The following SLC35D1 variants were observed in gnomAD, a reference collection of about 807,000 sequenced individuals.
SLC35D1 encodes solute carrier family 35 member D1, also known as nucleotide sugar transporter SLC35D1.
Under a neutral mutation model 46.7 loss-of-function variants are expected in SLC35D1, and 31 were observed. That is an observed-to-expected ratio of 0.66 (90% CI 0.50 to 0.90). SLC35D1 has a LOEUF of 0.90. SLC35D1 is among the 40% of genes least tolerant of loss of function. SLC35D1 has a pLI of 0.00. For synonymous variants in SLC35D1, 195 were observed against 164.6 expected, an observed-to-expected ratio of 1.18 and a Z score of -1.41; for missense variants, 397 against 426.2, an observed-to-expected ratio of 0.93 and a Z score of 0.60.
intron 8 of SLC35D1, among the ~76,000 whole-genome samples, chr1:67,030,460 T>C (rs1667995333): frequency 6.6e-6 from 1 of 152,154 alleles, no homozygotes. Context: ...AAAAGAGGAA[T>C]AATAAGGCCT....
At chr1:67,007,147 C>A (rs995343788) in intron 11 of SLC35D1, among the ~76,000 whole-genome samples, 2 of 152,178 alleles carry the variant, frequency 1.3e-5, no homozygotes, top group African/African-American at 2.4e-5. Context: ...AGGTAAGGTA[C>A]TATAATTATA....
At position 67,053,855 on chromosome 1, in the gene SLC35D1, G is replaced by A; in HGVS notation, c.159C>T (p.Ser53=). 1.9e-6 allele frequency: 3 copies of A among 1,613,548 alleles called. No homozygotes were observed. Among genetic ancestry groups the A allele is most frequent in the Non-Finnish European group, 1.7e-6 (2 of 1,179,604 alleles). The change falls in exon 1 of 12, where the codon TCC becomes TCT. Residue 53 remains serine, a synonymous_variant. Coordinates refer to ENST00000235345, the MANE Select transcript of SLC35D1 (RefSeq NM_015139.3). The part of the protein sequence containing the change: ...LLAAGFYGVS[S]FLIVVVNKSV... ...TCTTATTCACCACCACGATCAGGAA[G>A]GAGCTCACGCCGTAAAAGCCGGCGG...
At chr1:66,995,144 C>T (rs80002042), downstream of SLC35D1, among the ~76,000 whole-genome samples, 4 of 152,076 alleles carry the variant, frequency 2.6e-5, no homozygotes, top group Admixed American at 6.6e-5. Context: ...CAGTCATCCA[C>T]GCAGCAATCC....
chr1:67,042,842 T>A (rs954372967), intron 7 of SLC35D1, among the ~76,000 whole-genome samples: 1 of 152,108 alleles, frequency 6.6e-6, no homozygotes, highest in African/African-American at 2.4e-5. Context: ...GGCGGACAGA[T>A]TGCTTGAGCC....
chr1:66,991,206 C>CTT, the SLC35D1 span, among the ~76,000 whole-genome samples: 1 of 152,144 alleles, frequency 6.6e-6, no homozygotes, highest in Non-Finnish European at 1.5e-5. Flanking sequence ...TTTTTGAAAA[C>CTT]TTTTCTTTCT....
In SLC35D1 at chr1:67,004,274, G is replaced by C; in HGVS notation, c.*66C>G. On this transcript the variant is annotated 3_prime_UTR_variant, in exon 12 of 12. Transcript: ENST00000235345. ...ATCAAGACACCTCAGTGTCTCTGTA[G>C]GAACTGCCAGTGTTCTGAGTTGATT... 7.6e-7 allele frequency: 1 copy of C among 1,318,788 alleles called. No individual in the cohort carries two copies. The highest frequency in any genetic ancestry group is 1.2e-5 in the South Asian group (1 of 84,944). The allele number at this position is 1,318,788 out of a possible 1,614,324, so 81.7% of individuals were successfully genotyped here. A position where few individuals can be genotyped will look rare whatever the true frequency, so the allele number is the denominator to read the frequency against.
the SLC35D1 span, among the ~76,000 whole-genome samples, chr1:66,979,763 CTT>C: frequency 2.2e-4 from 31 of 138,562 alleles, no homozygotes; most frequent in Non-Finnish European, 2.4e-4. Flanking sequence ...TTTGCCTTGG[CTT>C]TTTTTTTTTT....
Position 67,042,348 on chromosome 1 carries a change from G to C in SLC35D1, c.637-20C>G. The C allele has an allele frequency of 6.2e-7, 1 of 1,608,310 alleles. No individual in the cohort carries two copies. Among genetic ancestry groups the C allele is most frequent in the Non-Finnish European group, 8.5e-7 (1 of 1,174,824 alleles). On this transcript the variant is annotated intron_variant, in intron 7 of 11. Transcript: ENST00000235345. ...CAGCTCCTAGGACAGTAAATAATTA[G>C]GTGTTTCATCTGCGTTTTGTTCTAG...
rs1558155196 is a variant in SLC35D1 at position 67,021,609 on chromosome 1, C to G, written c.730-7G>C. 3.7e-6 allele frequency: 6 copies of G among 1,613,786 alleles called. No homozygotes were observed. The South Asian group carries it at 6.6e-5, about 18-fold the overall frequency. ...AGCCTTCAAACTCCACAGCCTGCAA[C>G]ACACAAGAAAGCATTAAATTTTAGA... is the stretch of plus-strand genomic sequence containing the variant. On this transcript the variant is annotated splice_polypyrimidine_tract_variant and splice_region_variant and intron_variant, in intron 8 of 11. Coordinates refer to ENST00000235345, the MANE Select transcript of SLC35D1 (RefSeq NM_015139.3).
At position 67,004,272 on chromosome 1, in the gene SLC35D1, T is replaced by C. The variant is rs1667400605; in HGVS notation, c.*68A>G. The C allele has an allele frequency of 7.7e-7, 1 of 1,292,136 alleles. No homozygotes were observed. Among genetic ancestry groups the C allele is most frequent in the Non-Finnish European group, 1.1e-6 (1 of 888,012 alleles). The allele number at this position is 1,292,136 out of a possible 1,614,324, so 80.0% of individuals were successfully genotyped here. A position where few individuals can be genotyped will look rare whatever the true frequency, so the allele number is the denominator to read the frequency against. On this transcript the variant is annotated 3_prime_UTR_variant, in exon 12 of 12. Transcript: ENST00000235345. ...TAATCAAGACACCTCAGTGTCTCTG[T>C]AGGAACTGCCAGTGTTCTGAGTTGA... is the stretch of plus-strand genomic sequence containing the variant.
intron 8 of SLC35D1, among the ~76,000 whole-genome samples, chr1:67,029,091 G>T (rs1667970083): frequency 6.6e-6 from 1 of 152,140 alleles, no homozygotes; most frequent in African/African-American, 2.4e-5. Context: ...TTCCTGATTT[G>T]AATTATAAAC....
intron 8 of SLC35D1, among the ~76,000 whole-genome samples, chr1:67,034,501 T>C (rs903723281): frequency 6.6e-6 from 1 of 152,220 alleles, no homozygotes. Flanking sequence ...TCGTTTGCTA[T>C]AGCCATATGG....
chr1:66,986,234 T>C, the SLC35D1 span: 1 of 1,322,054 alleles, frequency 7.6e-7, no homozygotes, highest in Non-Finnish European at 9.6e-7. Flanking sequence ...ACAATAATCA[T>C]TGCTCTGTGT....
Position 67,052,974 on chromosome 1 carries a change from T to A in SLC35D1, c.219A>T (p.Leu73=), listed in dbSNP as rs1160361622. 1 of 1,613,710 alleles carries A rather than the reference T, an allele frequency of 6.2e-7. No homozygotes were observed. The highest frequency in any genetic ancestry group is 1.1e-5 in the South Asian group (1 of 91,066). Reference sequence around the variant, plus strand: ...AACTAACCTGGCCAAGTCCAACACATAGTGAGGAGGGAAATCTACAAAAAG... The same window carrying A: ...AACTAACCTGGCCAAGTCCAACACAAAGTGAGGAGGGAAATCTACAAAAAG... ...VLTNYRFPSS[L]CVGLGQMVAT... The change falls in exon 2 of 12, where the codon CTA becomes CTT. Residue 73 remains leucine (L), a synonymous_variant. Transcript: ENST00000235345.
chr1:67,030,172 A>G (rs1163796291), intron 8 of SLC35D1, among the ~76,000 whole-genome samples: 2 of 152,196 alleles, frequency 1.3e-5, no homozygotes, highest in African/African-American at 4.8e-5. Flanking sequence ...CCACTGCTTC[A>G]TTATGCTAGA....
At chr1:67,051,535 TTAA>T (rs2102373895) in intron 4 of SLC35D1, among the ~76,000 whole-genome samples, 1 of 152,298 alleles carries the variant, frequency 6.6e-6, no homozygotes, top group African/African-American at 2.4e-5. Flanking sequence ...GTGTAAGATA[TTAA>T]TAATATTTTT....
chr1:67,006,247 T>C (rs1667444876), intron 11 of SLC35D1, among the ~76,000 whole-genome samples: 2 of 152,176 alleles, frequency 1.3e-5, no homozygotes, highest in South Asian at 4.1e-4. Flanking sequence ...GATATGACTC[T>C]CCTAGAAACT....
chr1:66,977,619 T>C, the SLC35D1 span, among the ~76,000 whole-genome samples: 1 of 152,188 alleles, frequency 6.6e-6, no homozygotes, highest in Non-Finnish European at 1.5e-5. Context: ...GAATTTATTG[T>C]CTACACCTCA....
intron 8 of SLC35D1, among the ~76,000 whole-genome samples, chr1:67,031,608 C>T (rs1280851398): frequency 6.6e-6 from 1 of 151,918 alleles, no homozygotes; most frequent in Non-Finnish European, 1.5e-5. Context: ...TTTATGGCTC[C>T]ACGTGGTTAC....
Sources: gnomAD v4.1 joint callset for allele counts (sites outside exome capture counted in the v4.1 genomes callset) on GRCh38, gnomAD v4.1.1 for gene constraint, MANE v1.5 for transcripts, NCBI Gene and HGNC (gene_info 2026-07-23, HGNC 2026-07-21) for gene names.